ABL1: variants seen among roughly 807,000 people sequenced by gnomAD.
ABL1 encodes the protein tyrosine-protein kinase ABL1.
In ABL1, 11 loss-of-function variants were observed where a neutral mutation model predicts 94.7. The observed-to-expected ratio is 0.12, with a 90% CI of 0.07 to 0.19. The LOEUF is 0.19. Ranked by LOEUF, ABL1 falls within the 10% of genes least tolerant of loss-of-function variation. The pLI, the probability that ABL1 is intolerant of heterozygous loss-of-function variation, is 1.00. For missense variants in ABL1, 1,082 were observed against 1,489.4 expected (o/e 0.73, Z 4.50); for synonymous variants, 656 against 622.4 (o/e 1.05, Z -0.80).
chr9:130,858,067 C>G (rs1831004313), intron 3 of ABL1, among the ~76,000 whole-genome samples: 1 of 151,464 alleles, frequency 6.6e-6, no homozygotes, highest in Non-Finnish European at 1.5e-5. Context: ...TGCTATTTAT[C>G]CAAGGCAAGT....
upstream of ABL1, chr9:130,834,834 T>C: frequency 2.2e-6 from 1 of 452,632 alleles, no homozygotes; most frequent in Non-Finnish European, 4.4e-6. Flanking sequence ...ATGAGACCAG[T>C]TAGTATTGGT....
At chr9:130,778,605 C>A (rs1344900032) in intron 1 of ABL1, among the ~76,000 whole-genome samples, 2 of 152,106 alleles carry the variant, frequency 1.3e-5, no homozygotes, top group African/African-American at 4.8e-5. Context: ...TGGGCTTGAT[C>A]CTCACCTGTG....
At chr9:130,835,064 G>T, upstream of ABL1, 1 of 324,232 alleles carries the variant, frequency 3.1e-6, no homozygotes, top group Non-Finnish European at 6.1e-6. This position sits in a 1 kb window ranked among gnomAD's most constrained non-coding sequence, Gnocchi z 4.6. Flanking sequence ...CGGGCCGCGC[G>T]CGGCCTTCCC....
In ABL1 at chr9:130,885,327, C is replaced by T. The variant is rs755821709; in HGVS notation, c.3037C>T (p.Arg1013Trp). 4 of 1,613,494 alleles carry T rather than the reference C, an allele frequency of 2.5e-6. No homozygotes were observed. Among genetic ancestry groups the T allele is most frequent in the African/African-American group, 1.3e-5 (1 of 74,940 alleles). The change falls in exon 11 of 11, where the codon CGG becomes TGG. Residue 1013 changes from arginine (R) to tryptophan (W), a missense_variant. Physicochemically the swap from Arg to Trp is moderately radical, Grantham distance 101. This residue lies in a region of ABL1 where 780 missense variants were observed against 835.8 expected (regional missense o/e 0.93). Transcript: ENST00000318560. Reference protein sequence around the residue: ...IPLISTRVSLRKTRQPPERIA... With the variant: ...IPLISTRVSLWKTRQPPERIA... ...TCTCATATCAACCCGAGTGTCTCTT[C>T]GGAAAACCCGCCAGCCTCCAGAGCG...
intron 1 of ABL1, among the ~76,000 whole-genome samples, chr9:130,734,793 A>G (rs1251705034): frequency 1.3e-5 from 2 of 152,064 alleles, no homozygotes; most frequent in Non-Finnish European, 2.9e-5. Context: ...AAGCGGTGCA[A>G]TTACAAGTGT....
At chr9:130,829,914 AAT>A (rs1830474499) in intron 1 of ABL1, among the ~76,000 whole-genome samples, 1 of 152,232 alleles carries the variant, frequency 6.6e-6, no homozygotes, top group Non-Finnish European at 1.5e-5. Flanking sequence ...ATAATGGATA[AAT>A]CTAATGAATT....
chr9:130,824,109 TC>T (rs1417433204), intron 1 of ABL1, among the ~76,000 whole-genome samples: 1 of 152,132 alleles, frequency 6.6e-6, no homozygotes, highest in Non-Finnish European at 1.5e-5. Flanking sequence ...TAAAAGTGTA[TC>T]TTTTGAAGAG....
intron 8 of ABL1, among the ~76,000 whole-genome samples, chr9:130,879,128 C>T (rs1441104603): frequency 3.3e-5 from 5 of 152,206 alleles, no homozygotes; most frequent in African/African-American, 7.2e-5. Flanking sequence ...CTGCCTGCCT[C>T]GGCCTCCCAA....
chr9:130,867,465 G>T (rs186028360), intron 4 of ABL1, among the ~76,000 whole-genome samples: 3 of 152,286 alleles, frequency 2.0e-5, no homozygotes, highest in Non-Finnish European at 4.4e-5. Flanking sequence ...AACTATCCTG[G>T]TGGGTCCGCT....
chr9:130,719,964 G>A (rs1305680219), intron 1 of ABL1, among the ~76,000 whole-genome samples: 1 of 152,194 alleles, frequency 6.6e-6, no homozygotes, highest in Non-Finnish European at 1.5e-5. Flanking sequence ...AATATTTCAT[G>A]CACCATATGT....
In ABL1 at chr9:130,835,320, G is replaced by C; in HGVS notation, c.-127G>C. ...CCATGGGCGGGCGCGGGCGCGCGGGGCGGCGGTGAGGGCGGCTGGCGGGGC... is the reference window on the plus strand; with the variant it reads ...CCATGGGCGGGCGCGGGCGCGCGGGCCGGCGGTGAGGGCGGCTGGCGGGGC... On this transcript the variant is annotated 5_prime_UTR_variant, in exon 1 of 11. Coordinates refer to ENST00000318560, the MANE Select transcript of ABL1 (RefSeq NM_005157.6). The surrounding 1 kb of genome is among the most constrained non-coding windows in gnomAD (Gnocchi z 4.6). 1 of 199,656 alleles carries C rather than the reference G, an allele frequency of 5.0e-6. No individual in the cohort carries two copies. The highest frequency in any genetic ancestry group is 7.5e-6 in the Non-Finnish European group (1 of 134,152). The allele number at this position is 199,656 out of a possible 1,614,324, so 12.4% of individuals were successfully genotyped here.
chr9:130,743,273 G>A (rs2789765), intron 1 of ABL1, among the ~76,000 whole-genome samples: 78,951 of 151,952 alleles, frequency 0.52, 22,067 homozygotes, highest in African/African-American at 0.73. Context: ...GGGTTTTGCC[G>A]TGTTAGCCAG....
At chr9:130,802,717 G>C (rs1220369597) in intron 1 of ABL1, among the ~76,000 whole-genome samples, 2 of 152,198 alleles carry the variant, frequency 1.3e-5, no homozygotes, top group Non-Finnish European at 2.9e-5. Flanking sequence ...TAGACTGGCA[G>C]TTGAACTAAT....
chr9:130,862,442 C>T lies in ABL1; in HGVS notation c.550-321C>T, dbSNP rs1351410997. 2.0e-5 allele frequency among the ~76,000 whole-genome samples: 3 copies of T among 152,140 alleles called. No homozygotes were observed. Among genetic ancestry groups the T allele is most frequent in the Non-Finnish European group, 2.9e-5 (2 of 68,026 alleles). On this transcript the variant is annotated intron_variant, in intron 3 of 10. Transcript: ENST00000318560. The surrounding 1 kb of genome is among the most constrained non-coding windows in gnomAD (Gnocchi z 5.5). The stretch of plus-strand genomic sequence containing the variant: ...GATTGGGTGGTTGGGGAAGACTTCA[C>T]GGACCTTAAAACTGGCCTTGGAACG...
At chr9:130,739,570 ACC>A (rs1289217005) in intron 1 of ABL1, among the ~76,000 whole-genome samples, 1 of 152,186 alleles carries the variant, frequency 6.6e-6, no homozygotes, top group Non-Finnish European at 1.5e-5. Context: ...TGATACTTTA[ACC>A]CCTATTCAAA....
intron 7 of ABL1, among the ~76,000 whole-genome samples, chr9:130,875,350 C>T (rs1049942930): frequency 6.6e-6 from 1 of 152,056 alleles, no homozygotes; most frequent in African/African-American, 2.4e-5. Flanking sequence ...ACCATGTTGG[C>T]CAGGCTGGTC....
At chr9:130,881,934 C>T (rs1042339109) in intron 10 of ABL1, among the ~76,000 whole-genome samples, 12 of 151,440 alleles carry the variant, frequency 7.9e-5, no homozygotes, top group Admixed American at 2.6e-4. Flanking sequence ...ATATAAAGTA[C>T]GTATGTCCAC....
At chr9:130,745,073 TG>T (rs1160934741) in intron 1 of ABL1, among the ~76,000 whole-genome samples, 1 of 149,850 alleles carries the variant, frequency 6.7e-6, no homozygotes, top group Non-Finnish European at 1.5e-5. Context: ...TATCCCTTCC[TG>T]GGAACCTTTT....
chr9:130,859,711 C>T (rs1239395250), intron 3 of ABL1, among the ~76,000 whole-genome samples: 1 of 90,298 alleles, frequency 1.1e-5, no homozygotes, highest in African/African-American at 4.7e-5. Flanking sequence ...TTTTTTGAGA[C>T]AGGCTGTCAC....
Sources: gnomAD v4.1 joint callset for allele counts (sites outside exome capture counted in the v4.1 genomes callset) on GRCh38, gnomAD v4.1.1 for gene constraint, gnomAD v4.1.1 regional missense constraint, Gnocchi (gnomAD v3.1) non-coding constraint, MANE v1.5 for transcripts, NCBI Gene and HGNC (gene_info 2026-07-23, HGNC 2026-07-21) for gene names.